Variants in SARDH observed in about 807,000 individuals in gnomAD.
SARDH encodes the protein sarcosine dehydrogenase, also known as sarcosine dehydrogenase, mitochondrial.
In SARDH, 95 loss-of-function variants were observed where a neutral mutation model predicts 109.1. The observed-to-expected ratio is 0.87, with a 90% CI of 0.74 to 1.03. The LOEUF (loss-of-function observed/expected upper bound fraction) is 1.03, where lower values mean the gene tolerates loss of function less well. SARDH is among the 50% of genes least tolerant of loss of function. The pLI is 0.00. For synonymous variants in SARDH, 572 were observed against 534.8 expected, an observed-to-expected ratio of 1.07 and a Z score of -0.96; for missense variants, 1,267 against 1,287.8, an observed-to-expected ratio of 0.98 and a Z score of 0.25.
At chr9:133,735,887 T>TACG (rs1554763567) in intron 1 of SARDH, among the ~76,000 whole-genome samples, 13 of 151,752 alleles carry the variant, frequency 8.6e-5, no homozygotes, top group Non-Finnish European at 1.6e-4. Context: ...CTACTAAAAA[T>TACG]ACATTAGCCG....
rs1325198781 is a variant in SARDH, at chr9:133,734,151, A to T, written c.23T>A (p.Leu8Gln). The T allele has an allele frequency of 6.2e-7, 1 of 1,602,476 alleles. No individual in the cohort carries two copies. Among genetic ancestry groups the T allele is most frequent in the African/African-American group, 1.3e-5 (1 of 74,810 alleles). Reference sequence around the variant, plus strand: ...GCGAGGGTGGGCAGCAGCCACACGTAGGGCTCGGCTCAGTGAGGCCATGGG... The same window carrying T: ...GCGAGGGTGGGCAGCAGCCACACGTTGGGCTCGGCTCAGTGAGGCCATGGG... Reference protein sequence around the residue: MASLSRALRVAAAHPRQS... With the variant: MASLSRAQRVAAAHPRQS... The change falls in exon 2 of 21, where the codon CTA becomes CAA. Residue 8 changes from leucine to glutamine, a missense_variant. Coordinates refer to ENST00000439388, the MANE Select transcript of SARDH (RefSeq NM_001134707.2).
At chr9:133,677,006 A>G (rs1830536384) in intron 17 of SARDH, among the ~76,000 whole-genome samples, 1 of 152,064 alleles carries the variant, frequency 6.6e-6, no homozygotes. Flanking sequence ...GGCTGTGGTG[A>G]TGGGCACCTT....
chr9:133,699,132 A>G (rs2502744), intron 13 of SARDH, among the ~76,000 whole-genome samples: 70,902 of 152,042 alleles, frequency 0.47, 16,622 homozygotes, highest in Non-Finnish European at 0.49. Flanking sequence ...GGATCACCTG[A>G]GGTCAGGAGT....
rs531644300 is a variant in SARDH at position 133,706,418 on chromosome 9, C to G, written c.1471-1387G>C. Among the ~76,000 whole-genome samples the G allele has an allele frequency of 2.0e-5, 3 of 152,234 alleles. No homozygotes were observed. The South Asian group carries it at 6.2e-4, about 32-fold the overall frequency. Reference sequence around the variant, plus strand: ...CCTGAACAGGCAAATCCATAGAGACCGAAACAGCTTAGTGGTTGCCAAGGC... The same window carrying G: ...CCTGAACAGGCAAATCCATAGAGACGGAAACAGCTTAGTGGTTGCCAAGGC... On this transcript the variant is annotated intron_variant, in intron 11 of 20. Transcript: ENST00000439388.
intron 10 of SARDH, among the ~76,000 whole-genome samples, chr9:133,711,008 C>T (rs1831898903): frequency 6.6e-6 from 1 of 152,196 alleles, no homozygotes; most frequent in Admixed American, 6.5e-5. Context: ...CCCACCTGTG[C>T]CCTTGGCTCC....
At chr9:133,725,192 G>A (rs554733024) in intron 6 of SARDH, among the ~76,000 whole-genome samples, 1 of 152,330 alleles carries the variant, frequency 6.6e-6, no homozygotes, top group Admixed American at 6.5e-5. Context: ...ATTTGGGATT[G>A]CCTAAGTCTG....
In SARDH at chr9:133,738,284, A is replaced by C. The variant is rs1040105293; in HGVS notation, c.-61T>G. 3 of 152,218 alleles carry C rather than the reference A, an allele frequency of 2.0e-5. No individual in the cohort carries two copies. The highest frequency in any genetic ancestry group is 7.2e-5 in the African/African-American group (3 of 41,428). The allele number at this position is 152,218 out of a possible 1,614,324, so 9.4% of individuals were successfully genotyped here. Reference sequence around the variant, plus strand: ...GTCAGCTGCAGTGCCCCTCGGCCCTAAGAGTGCTTGGCCCAGCAGAGGTGC... The same window carrying C: ...GTCAGCTGCAGTGCCCCTCGGCCCTCAGAGTGCTTGGCCCAGCAGAGGTGC... On this transcript the variant is annotated 5_prime_UTR_variant, in exon 1 of 21. Coordinates refer to ENST00000439388, the MANE Select transcript of SARDH (RefSeq NM_001134707.2).
intron 17 of SARDH, 62 bp from the exon 18 acceptor site, chr9:133,671,759 C>A: frequency 6.7e-7 from 1 of 1,502,724 alleles, no homozygotes. Flanking sequence ...CAGGCCCAGG[C>A]CACCACTTCC....
At chr9:133,721,302 T>G (rs1456164982) in intron 6 of SARDH, among the ~76,000 whole-genome samples, 1 of 152,222 alleles carries the variant, frequency 6.6e-6, no homozygotes, top group Non-Finnish European at 1.5e-5. Flanking sequence ...CTGGAAGACA[T>G]GGAGCAAACT....
chr9:133,719,000 G>C lies in SARDH; in HGVS notation c.958C>G (p.Arg320Gly), dbSNP rs748705250. 3.1e-6 allele frequency: 5 copies of C among 1,614,208 alleles called. No individual in the cohort carries two copies. In the Admixed American group the frequency reaches 6.7e-5, roughly 22 times the overall value. The change falls in exon 7 of 21, where the codon CGC becomes GGC. Residue 320 changes from arginine (R) to glycine (G), a missense_variant. By Grantham distance (125) the Arg-to-Gly change is moderately radical. Coordinates refer to ENST00000439388, the MANE Select transcript of SARDH (RefSeq NM_001134707.2). The surrounding 1 kb of genome is among the most constrained non-coding windows in gnomAD (Gnocchi z 4.2). ...VRDHDASVYL[R>G]LQGDALSVGG... ...ACAGACAAGGCATCCCCTTGGAGGCGGAGGTAGACAGAGGCATCATGATCA... is the reference window on the plus strand; with the variant it reads ...ACAGACAAGGCATCCCCTTGGAGGCCGAGGTAGACAGAGGCATCATGATCA...
At chr9:133,723,927 A>G (rs1227546553) in intron 6 of SARDH, among the ~76,000 whole-genome samples, 2 of 152,190 alleles carry the variant, frequency 1.3e-5, no homozygotes, top group African/African-American at 4.8e-5. Flanking sequence ...ACCTCACACC[A>G]TGCACAAAAT....
chr9:133,719,609 G>T (rs1427561296), intron 6 of SARDH, among the ~76,000 whole-genome samples: 1 of 152,096 alleles, frequency 6.6e-6, no homozygotes, highest in Non-Finnish European at 1.5e-5. Flanking sequence ...CTCCAGAAGT[G>T]GGGAGAGTGG....
At chr9:133,702,355 G>A (rs1212584233) in intron 13 of SARDH, among the ~76,000 whole-genome samples, 1 of 152,234 alleles carries the variant, frequency 6.6e-6, no homozygotes, top group African/African-American at 2.4e-5. Flanking sequence ...CGGGCTGCCA[G>A]CTGCCCCGTG....
intron 15 of SARDH, among the ~76,000 whole-genome samples, chr9:133,691,169 A>ACAC (rs1831079042): frequency 3.6e-5 from 4 of 112,126 alleles, no homozygotes; most frequent in South Asian, 3.4e-4. Context: ...CACCTCCCCC[A>ACAC]ACACACACAC....
chr9:133,696,342 G>C lies in SARDH; in HGVS notation c.1688C>G (p.Ala563Gly). 6.2e-7 allele frequency: 1 copy of C among 1,614,090 alleles called. No homozygotes were observed. The highest frequency in any genetic ancestry group is 8.5e-7 in the Non-Finnish European group (1 of 1,180,038). ...HHDTIKKECL[A>G]CRGAAAVFDM... ...AAACACAGCGGCGGCCCCTCTGCAG[G>C]CCAGGCACTCCTTCTTGATCTGAAA... is the stretch of plus-strand genomic sequence containing the variant. The change falls in exon 14 of 21, where the codon GCC (alanine) becomes GGC (glycine). Residue 563 changes from alanine to glycine, a missense_variant. Coordinates refer to ENST00000439388, the MANE Select transcript of SARDH (RefSeq NM_001134707.2).
intron 8 of SARDH, among the ~76,000 whole-genome samples, chr9:133,716,400 G>A (rs966114117): frequency 3.9e-5 from 6 of 152,358 alleles, no homozygotes; most frequent in East Asian, 1.9e-4. Context: ...ACTCAGGGAC[G>A]TCTGGCTCAA....
At chr9:133,683,857 A>C (rs1042695205) in intron 17 of SARDH, among the ~76,000 whole-genome samples, 4 of 152,204 alleles carry the variant, frequency 2.6e-5, no homozygotes, top group Non-Finnish European at 5.9e-5. Context: ...TACAGGAAGG[A>C]GAGACAGGGA....
At chr9:133,698,369 A>G (rs1376089071) in intron 13 of SARDH, among the ~76,000 whole-genome samples, 1 of 152,242 alleles carries the variant, frequency 6.6e-6, no homozygotes, top group Non-Finnish European at 1.5e-5. Context: ...GACCTAACAC[A>G]GTCCCTATCA....
chr9:133,685,374 G>A, intron 16 of SARDH, 88 bp from the exon 17 acceptor site: 1 of 962,556 alleles, frequency 1.0e-6, no homozygotes, highest in African/African-American at 1.6e-5. Context: ...CCATGAGTGG[G>A]ATAAGTCCCT....
Sources: allele counts gnomAD v4.1 joint callset (sites outside exome capture counted in the v4.1 genomes callset), GRCh38; gene constraint gnomAD v4.1.1; non-coding constraint Gnocchi (gnomAD v3.1); transcripts MANE v1.5; gene names NCBI Gene and HGNC (gene_info 2026-07-23, HGNC 2026-07-21).